BRINP3: variants seen among roughly 807,000 people sequenced by gnomAD.
BRINP3 encodes the protein BMP/retinoic acid inducible neural specific 3, also known as BMP/retinoic acid-inducible neural-specific protein 3.
BRINP3 carries 19 observed loss-of-function variants against 71.0 expected under a neutral mutation model. That is an observed-to-expected ratio of 0.27 (90% CI 0.19 to 0.39). The LOEUF is 0.39. Among genes scored for constraint, BRINP3 ranks in the 10% least tolerant of loss-of-function variants. BRINP3 has a pLI of 1.00. For missense variants in BRINP3, 959 were observed against 940.8 expected, an observed-to-expected ratio of 1.02 and a Z score of -0.25; for synonymous variants, 380 against 337.7, an observed-to-expected ratio of 1.13 and a Z score of -1.37.
chr1:190,134,763 G>C (rs1396024515), intron 7 of BRINP3, among the ~76,000 whole-genome samples: 2 of 151,946 alleles, frequency 1.3e-5, no homozygotes, highest in African/African-American at 4.8e-5. Flanking sequence ...CTTTTGGGAG[G>C]GATATTAAAT....
chr1:190,411,010 C>T (rs898199753), intron 2 of BRINP3, among the ~76,000 whole-genome samples: 2 of 152,030 alleles, frequency 1.3e-5, no homozygotes, highest in Non-Finnish European at 2.9e-5. Context: ...ACCAAGACGA[C>T]TCCTGATAAA....
intron 6 of BRINP3, among the ~76,000 whole-genome samples, chr1:190,191,633 A>AT (rs945393747): frequency 3.1e-4 from 47 of 151,042 alleles, no homozygotes; most frequent in South Asian, 6.3e-4. Context: ...TATGTGCCAC[A>AT]TTTTTTTTTA....
intron 6 of BRINP3, among the ~76,000 whole-genome samples, chr1:190,170,968 T>C (rs1571901410): frequency 6.6e-6 from 1 of 152,130 alleles, no homozygotes; most frequent in South Asian, 2.1e-4. Flanking sequence ...ATATGTTGAG[T>C]AAATTTTTCC....
At chr1:190,187,468 T>G (rs1571942875) in intron 6 of BRINP3, among the ~76,000 whole-genome samples, 1 of 152,254 alleles carries the variant, frequency 6.6e-6, no homozygotes, top group South Asian at 2.1e-4. Flanking sequence ...ACCAACATCA[T>G]GGAGGTATTT....
intron 2 of BRINP3, among the ~76,000 whole-genome samples, chr1:190,409,234 T>C (rs1672497839): frequency 6.6e-6 from 1 of 152,082 alleles, no homozygotes; most frequent in Admixed American, 6.6e-5. Flanking sequence ...AGACCCTGTC[T>C]CTAAAAATAA....
chr1:190,445,372 A>G (rs1019630564), intron 2 of BRINP3, among the ~76,000 whole-genome samples: 1 of 152,180 alleles, frequency 6.6e-6, no homozygotes, highest in Non-Finnish European at 1.5e-5. Context: ...TAATATTAGG[A>G]CTAATTTATT....
At chr1:190,165,721 T>G (rs1651473113) in intron 6 of BRINP3, among the ~76,000 whole-genome samples, 1 of 151,342 alleles carries the variant, frequency 6.6e-6, no homozygotes. Flanking sequence ...AATAAGTTAA[T>G]CAAAAACCTC....
chr1:190,146,934 G>A (rs892456237), intron 7 of BRINP3, among the ~76,000 whole-genome samples: 4 of 151,746 alleles, frequency 2.6e-5, no homozygotes, highest in African/African-American at 4.8e-5. Flanking sequence ...TTCAGAAAAC[G>A]AGCAAGCTCT....
intron 7 of BRINP3, among the ~76,000 whole-genome samples, chr1:190,119,576 C>G (rs558586889): frequency 1.7e-3 from 260 of 152,194 alleles, no homozygotes; most frequent in African/African-American, 6.0e-3. Flanking sequence ...TGTGAGCTAC[C>G]GTGCCCAGCC....
Position 190,185,053 on chromosome 1 carries a change from C to T in BRINP3, c.962-24163G>A, listed in dbSNP as rs147912319. Among the ~76,000 whole-genome samples the T allele has an allele frequency of 3.6e-3, 544 of 152,150 alleles. 6 individuals are homozygous for T. Among genetic ancestry groups the T allele is most frequent in the African/African-American group, 0.013 (522 of 41,526 alleles). ...ATGACATTTGCCTTGCCAATTATTT[C>T]GTAGTTATGACACCAAAAGCTTGGG... is the stretch of plus-strand genomic sequence containing the variant. On this transcript the variant is annotated intron_variant, in intron 6 of 7. Transcript: ENST00000367462.
intron 1 of BRINP3, among the ~76,000 whole-genome samples, chr1:190,475,625 C>A (rs1489814789): frequency 1.3e-5 from 2 of 152,174 alleles, no homozygotes; most frequent in African/African-American, 4.8e-5. Context: ...GCTCAGGTGG[C>A]ATAGGCGTTG....
intron 7 of BRINP3, among the ~76,000 whole-genome samples, chr1:190,151,041 G>A (rs916817172): frequency 1.3e-5 from 2 of 152,046 alleles, no homozygotes; most frequent in African/African-American, 4.8e-5. Flanking sequence ...CAGCCACTTG[G>A]CAGGGTAAGG....
chr1:190,317,171 CAAAAAAA>C (rs397862994), intron 2 of BRINP3, among the ~76,000 whole-genome samples: 2 of 77,196 alleles, frequency 2.6e-5, no homozygotes, highest in Non-Finnish European at 5.7e-5. Flanking sequence ...GAGTCCATCT[CAAAAAAA>C]AAAAAAAAAA....
At chr1:190,386,798 T>A (rs1670940234) in intron 2 of BRINP3, among the ~76,000 whole-genome samples, 1 of 152,068 alleles carries the variant, frequency 6.6e-6, no homozygotes, top group South Asian at 2.1e-4. Flanking sequence ...TAAATGACTA[T>A]ACAAATAAAG....
chr1:190,467,322 C>T (rs983533178), intron 1 of BRINP3, among the ~76,000 whole-genome samples: 1 of 151,476 alleles, frequency 6.6e-6, no homozygotes, highest in Non-Finnish European at 1.5e-5. Context: ...CCAGGGTTTA[C>T]ACCAGTGCAC....
In BRINP3 at chr1:190,226,133, G is replaced by T; in HGVS notation, c.910C>A (p.Leu304Ile). ...MDIQAMEENLLRITETWKAYN... is the reference protein window; with the variant it reads ...MDIQAMEENLIRITETWKAYN... ...GCTTTCCAGGTTTCAGTTATTCGAA[G>T]AAGATTCTCTTCCATGGCTTGAATG... The change falls in exon 6 of 8, where the codon CTT (leucine) becomes ATT (isoleucine). Residue 304 changes from leucine to isoleucine, a missense_variant. Transcript: ENST00000367462. 6.2e-7 allele frequency: 1 copy of T among 1,611,480 alleles called. No individual in the cohort carries two copies. Among genetic ancestry groups the T allele is most frequent in the Non-Finnish European group, 8.5e-7 (1 of 1,178,440 alleles).
chr1:190,231,822 A>C (rs933860137), intron 5 of BRINP3, among the ~76,000 whole-genome samples: 8 of 151,848 alleles, frequency 5.3e-5, no homozygotes, highest in African/African-American at 1.9e-4. Flanking sequence ...TTCATATACC[A>C]ATGGTTAAAT....
At chr1:190,116,034 C>T (rs184351295) in intron 7 of BRINP3, among the ~76,000 whole-genome samples, 126 of 152,110 alleles carry the variant, frequency 8.3e-4, no homozygotes, top group Non-Finnish European at 1.3e-3. Flanking sequence ...ATATCACTTA[C>T]GATAGACACA....
At chr1:190,147,192 A>G (rs1033770117) in intron 7 of BRINP3, among the ~76,000 whole-genome samples, 8 of 152,082 alleles carry the variant, frequency 5.3e-5, no homozygotes, top group African/African-American at 1.9e-4. Context: ...CATGCCATCC[A>G]CAACTAACAA....
Sources: allele counts gnomAD v4.1 joint callset (sites outside exome capture counted in the v4.1 genomes callset), GRCh38; gene constraint gnomAD v4.1.1; transcripts MANE v1.5; gene names NCBI Gene and HGNC (gene_info 2026-07-23, HGNC 2026-07-21).